The following KIRREL3 variants were observed in gnomAD, a reference collection of about 807,000 sequenced individuals.
KIRREL3 encodes kin of IRRE-like protein 3.
Under a neutral mutation model 89.7 loss-of-function variants are expected in KIRREL3, and 36 were observed. The ratio of observed to expected loss-of-function variants is 0.40; its 90% confidence interval spans 0.31 to 0.53. The LOEUF is 0.53. KIRREL3 is among the 20% of genes least tolerant of loss of function. The pLI is 0.49. For missense variants in KIRREL3, 864 were observed against 1,056.6 expected (o/e 0.82, Z 2.53); for synonymous variants, 445 against 441.4 (o/e 1.01, Z -0.10).
At position 126,969,184 on chromosome 11, in the gene KIRREL3, G is replaced by T. The variant is rs1336384163; in HGVS notation, c.55+31271C>A. 6.6e-6 allele frequency among the ~76,000 whole-genome samples: 1 copy of T among 152,056 alleles called. No homozygotes were observed. The highest frequency in any genetic ancestry group is 1.5e-5 in the Non-Finnish European group (1 of 68,000). ...TCTAAACCGCGAAAACAGGCCTGGGGCAAAAGAGTCCGTAGATACCGCAGT... is the reference window on the plus strand; with the variant it reads ...TCTAAACCGCGAAAACAGGCCTGGGTCAAAAGAGTCCGTAGATACCGCAGT... On this transcript the variant is annotated intron_variant, in intron 1 of 16. Transcript: ENST00000525144. This position sits in a 1 kb window ranked among gnomAD's most constrained non-coding sequence, Gnocchi z 4.9.
In KIRREL3 at chr11:126,561,736, T is replaced by G. The variant is rs1197833516; in HGVS notation, c.133+1099A>C. On this transcript the variant is annotated intron_variant, in intron 2 of 16. Transcript: ENST00000525144. The surrounding 1 kb of genome is among the most constrained non-coding windows in gnomAD (Gnocchi z 4.5). The stretch of plus-strand genomic sequence containing the variant: ...GCAAATGGGGGAGGTGATCACTTCC[T>G]GTGCTTAATTGTGCTGGCCTAACTC... 6.6e-6 allele frequency among the ~76,000 whole-genome samples: 1 copy of G among 152,186 alleles called. No homozygotes were observed. Among genetic ancestry groups the G allele is most frequent in the East Asian group, 1.9e-4 (1 of 5,192 alleles).
intron 1 of KIRREL3, among the ~76,000 whole-genome samples, chr11:126,932,902 A>G (rs1163499883): frequency 1.3e-5 from 2 of 152,264 alleles, no homozygotes; most frequent in African/African-American, 2.4e-5. Context: ...ACATAGCCAT[A>G]ATAGCCAATG....
At chr11:126,714,555 G>A (rs561684143) in intron 1 of KIRREL3, among the ~76,000 whole-genome samples, 5 of 152,266 alleles carry the variant, frequency 3.3e-5, no homozygotes, top group South Asian at 4.1e-4. Flanking sequence ...TTCCGCCCTG[G>A]GAGGCAGCCC....
rs1462932443 is a variant in KIRREL3, at chr11:126,923,214, T to TTC, written c.55+77239_55+77240dup. ...CTTCTTCTTCTTCTTCTTCTTCTTC[T>TTC]TCTTCTTCTTCTTCTTCTTCTTCTT... On this transcript the variant is annotated intron_variant, in intron 1 of 16. Coordinates refer to ENST00000525144, the MANE Select transcript of KIRREL3 (RefSeq NM_032531.4). 1.4e-3 allele frequency among the ~76,000 whole-genome samples: 28 copies of TTC among 19,316 alleles called. 3 individuals carry two copies. Among genetic ancestry groups the TTC allele is most frequent in the Non-Finnish European group, 2.0e-3 (20 of 9,930 alleles). The allele number at this position is 19,316 out of a possible 152,430, so 12.7% of individuals were successfully genotyped here.
At chr11:126,753,443 C>T (rs1949400973) in intron 1 of KIRREL3, among the ~76,000 whole-genome samples, 1 of 152,228 alleles carries the variant, frequency 6.6e-6, no homozygotes, top group East Asian at 1.9e-4. Flanking sequence ...AAACAACAAG[C>T]AAATATCACA....
In KIRREL3 at chr11:126,734,533, C is replaced by G. The variant is rs147218898; in HGVS notation, c.56-171621G>C. The stretch of plus-strand genomic sequence containing the variant: ...ACAAAATCAGCTGGGCATGGCAGCG[C>G]GTGCCTGTAATCCCAGCTACTTGGG... On this transcript the variant is annotated intron_variant, in intron 1 of 16. Transcript: ENST00000525144. The surrounding 1 kb of genome is among the most constrained non-coding windows in gnomAD (Gnocchi z 5.9). 1.2e-4 allele frequency among the ~76,000 whole-genome samples: 19 copies of G among 152,144 alleles called. No homozygotes were observed. In the East Asian group the frequency reaches 3.7e-3, roughly 29 times the overall value.
chr11:126,489,960 C>A lies in KIRREL3; in HGVS notation c.434-16494G>T, dbSNP rs147298660. Among the ~76,000 whole-genome samples, 3 of 151,986 alleles carry A rather than the reference C, an allele frequency of 2.0e-5. No homozygotes were observed. Among genetic ancestry groups the A allele is most frequent in the Non-Finnish European group, 4.4e-5 (3 of 67,998 alleles). On this transcript the variant is annotated intron_variant, in intron 4 of 16. Coordinates refer to ENST00000525144, the MANE Select transcript of KIRREL3 (RefSeq NM_032531.4). This position sits in a 1 kb window ranked among gnomAD's most constrained non-coding sequence, Gnocchi z 5.5. ...CCCTGGCACTGTGCAGGAATCTGGG[C>A]GTGTTAGTGCTGCATACGTTGGGGA...
intron 2 of KIRREL3, chr11:126,543,943 TTG>T (rs1938576239): frequency 6.6e-6 from 1 of 152,312 alleles, no homozygotes; most frequent in Non-Finnish European, 1.5e-5. Flanking sequence ...CACTTATTTG[TTG>T]TGAGATGACC....
rs114757652 is a variant in KIRREL3, at chr11:126,642,541, C to G, written c.56-79629G>C. Among the ~76,000 whole-genome samples the G allele has an allele frequency of 0.023, 3,572 of 152,310 alleles. 39 individuals are homozygous for G. The highest frequency in any genetic ancestry group is 0.088 in the Middle Eastern group (26 of 294). On this transcript the variant is annotated intron_variant, in intron 1 of 16. Coordinates refer to ENST00000525144, the MANE Select transcript of KIRREL3 (RefSeq NM_032531.4). This position sits in a 1 kb window ranked among gnomAD's most constrained non-coding sequence, Gnocchi z 4.9. ...TTCCTCTGCCTTTTCCAAGCAAACTCTTACTCTAGGAAATACATGTTTGAT... is the reference window on the plus strand; with the variant it reads ...TTCCTCTGCCTTTTCCAAGCAAACTGTTACTCTAGGAAATACATGTTTGAT...
Position 126,565,343 on chromosome 11 carries a change from A to G in KIRREL3, c.56-2431T>C, listed in dbSNP as rs1475920064. 6.6e-6 allele frequency among the ~76,000 whole-genome samples: 1 copy of G among 152,204 alleles called. No homozygotes were observed. Among genetic ancestry groups the G allele is most frequent in the Non-Finnish European group, 1.5e-5 (1 of 68,044 alleles). ...CTGTGTGGACAAGTGGTTATGATAT[A>G]ATAACTAAGAGTCTCACTGATTATG... On this transcript the variant is annotated intron_variant, in intron 1 of 16. Coordinates refer to ENST00000525144, the MANE Select transcript of KIRREL3 (RefSeq NM_032531.4). This position sits in a 1 kb window ranked among gnomAD's most constrained non-coding sequence, Gnocchi z 5.4.
Position 126,476,373 on chromosome 11 carries a change from G to A in KIRREL3, c.434-2907C>T, listed in dbSNP as rs1207422686. On this transcript the variant is annotated intron_variant, in intron 4 of 16. Transcript: ENST00000525144. This position sits in a 1 kb window ranked among gnomAD's most constrained non-coding sequence, Gnocchi z 6.4. The stretch of plus-strand genomic sequence containing the variant: ...CTCTGCTTGCTCTGAGCACAGTGCA[G>A]CCACCAAGGCCTTCCCGAGAATCCA... 6.6e-6 allele frequency among the ~76,000 whole-genome samples: 1 copy of A among 152,184 alleles called. No individual in the cohort carries two copies. The highest frequency in any genetic ancestry group is 1.5e-5 in the Non-Finnish European group (1 of 68,034).
At chr11:126,863,958 T>C (rs1343911684) in intron 1 of KIRREL3, among the ~76,000 whole-genome samples, 1 of 152,188 alleles carries the variant, frequency 6.6e-6, no homozygotes, top group East Asian at 1.9e-4. Context: ...CCCTGTTACC[T>C]GGCTACACCA....
chr11:126,984,272 GA>G (rs1226145263), intron 1 of KIRREL3, among the ~76,000 whole-genome samples: 1 of 152,222 alleles, frequency 6.6e-6, no homozygotes. Context: ...TCAAGGAGGA[GA>G]AAAAGGCTCC....
intron 1 of KIRREL3, among the ~76,000 whole-genome samples, chr11:126,765,667 G>A (rs769364748): frequency 1.4e-4 from 21 of 152,134 alleles, no homozygotes; most frequent in Admixed American, 3.3e-4. Context: ...TAATGAGGTC[G>A]AAGGCCAGGC....
Position 126,879,038 on chromosome 11 carries a change from G to A in KIRREL3, c.55+121417C>T, listed in dbSNP as rs1271126479. On this transcript the variant is annotated intron_variant, in intron 1 of 16. Transcript: ENST00000525144. The surrounding 1 kb of genome is among the most constrained non-coding windows in gnomAD (Gnocchi z 5.4). ...GTGTATCTTTCTTCCTTACAGCTAA[G>A]CAATCTTTGTCAATTACAGGGCATT... Among the ~76,000 whole-genome samples, 1 of 152,166 alleles carries A rather than the reference G, an allele frequency of 6.6e-6. No individual in the cohort carries two copies. The highest frequency in any genetic ancestry group is 1.5e-5 in the Non-Finnish European group (1 of 68,036).
At chr11:126,975,395 G>A (rs751298445) in intron 1 of KIRREL3, among the ~76,000 whole-genome samples, 1 of 152,110 alleles carries the variant, frequency 6.6e-6, no homozygotes, top group Non-Finnish European at 1.5e-5. Flanking sequence ...TTCTTGCAAG[G>A]TTCTTTCTCC....
chr11:126,451,379 TGTGCATGTGTGAACG>T (rs1956142984), intron 7 of KIRREL3, among the ~76,000 whole-genome samples: 3 of 148,732 alleles, frequency 2.0e-5, no homozygotes, highest in African/African-American at 7.6e-5. Flanking sequence ...TGTGTGAGCG[TGTGCATGTGTGAACG>T]TGTGCATGTG....
Position 126,516,999 on chromosome 11 carries a change from C to T in KIRREL3, c.433+4316G>A, listed in dbSNP as rs184063138. Among the ~76,000 whole-genome samples the T allele has an allele frequency of 2.9e-3, 439 of 152,194 alleles. 2 individuals are homozygous for T. Among genetic ancestry groups the T allele is most frequent in the African/African-American group, 9.4e-3 (391 of 41,510 alleles). On this transcript the variant is annotated intron_variant, in intron 4 of 16. Coordinates refer to ENST00000525144, the MANE Select transcript of KIRREL3 (RefSeq NM_032531.4). The surrounding 1 kb of genome is among the most constrained non-coding windows in gnomAD (Gnocchi z 4.9). ...GGCTGGAGCAGGAGGACCCAGAAGG[C>T]GGAGGTTGCGGTGAGCTGAGATCGT... is the stretch of plus-strand genomic sequence containing the variant.
chr11:126,484,126 C>G lies in KIRREL3; in HGVS notation c.434-10660G>C, dbSNP rs1253937694. Among the ~76,000 whole-genome samples, 6 of 152,194 alleles carry G rather than the reference C, an allele frequency of 3.9e-5. No homozygotes were observed. In the East Asian group the frequency reaches 1.2e-3, roughly 29 times the overall value. On this transcript the variant is annotated intron_variant, in intron 4 of 16. Transcript: ENST00000525144. This position sits in a 1 kb window ranked among gnomAD's most constrained non-coding sequence, Gnocchi z 5.2. ...TGGCATAGTGAGCACTTAATAAATACTTGTTGCCTGGTGCCTTGCCTGATC... is the reference window on the plus strand; with the variant it reads ...TGGCATAGTGAGCACTTAATAAATAGTTGTTGCCTGGTGCCTTGCCTGATC...
Sources: allele counts gnomAD v4.1 joint callset (sites outside exome capture counted in the v4.1 genomes callset), GRCh38; gene constraint gnomAD v4.1.1; non-coding constraint Gnocchi (gnomAD v3.1); transcripts MANE v1.5; gene names NCBI Gene and HGNC (gene_info 2026-07-23, HGNC 2026-07-21).